Variants in PDE1C observed in about 807,000 individuals in gnomAD.
PDE1C encodes the protein dual specificity calcium/calmodulin-dependent 3',5'-cyclic nucleotide phosphodiesterase 1C.
In PDE1C, 62 loss-of-function variants were observed where a neutral mutation model predicts 93.1. That is an observed-to-expected ratio of 0.67 (90% CI 0.54 to 0.82). The LOEUF is 0.82. PDE1C is among the 40% of genes least tolerant of loss of function. PDE1C has a pLI of 0.00. For synonymous variants in PDE1C, 325 were observed against 310.1 expected, an observed-to-expected ratio of 1.05 and a Z score of -0.50; for missense variants, 742 against 884.6, an observed-to-expected ratio of 0.84 and a Z score of 2.04.
At chr7:32,170,791 A>G (rs11769818) in intron 2 of PDE1C, among the ~76,000 whole-genome samples, 68,008 of 151,520 alleles carry the variant, frequency 0.45, 16,194 homozygotes, top group East Asian at 0.77. Flanking sequence ...ACTCCTCAGG[A>G]GAAGTCCTCC....
At chr7:31,710,886 C>T in the PDE1C span, among the ~76,000 whole-genome samples, 1 of 152,148 alleles carries the variant, frequency 6.6e-6, no homozygotes, top group African/African-American at 2.4e-5. Flanking sequence ...TCATCCTTGA[C>T]CCAAAAATCA....
chr7:31,898,427 A>G (rs1447214592), intron 2 of PDE1C, among the ~76,000 whole-genome samples: 2 of 152,172 alleles, frequency 1.3e-5, no homozygotes, highest in East Asian at 1.9e-4. Flanking sequence ...TGTATTATAA[A>G]CACTTTCCCT....
chr7:31,697,680 G>A, the PDE1C span, among the ~76,000 whole-genome samples: 1 of 152,170 alleles, frequency 6.6e-6, no homozygotes, highest in Non-Finnish European at 1.5e-5. Context: ...GTATATTCAT[G>A]GCTAGAGTAT....
At chr7:31,794,073 C>CAGATAGATAGATAGATAGAT (rs1403714502) in intron 16 of PDE1C, among the ~76,000 whole-genome samples, 51 of 134,154 alleles carry the variant, frequency 3.8e-4, no homozygotes, top group Non-Finnish European at 3.7e-4. Context: ...GACAGACAGA[C>CAGATAGATAGATAGATAGAT]AGACAGACAG....
intron 1 of PDE1C, among the ~76,000 whole-genome samples, chr7:32,253,771 G>A (rs111645559): frequency 1.2e-4 from 18 of 152,280 alleles, no homozygotes; most frequent in African/African-American, 4.1e-4. Flanking sequence ...AACACAATAC[G>A]CAGACACACA....
intron 3 of PDE1C, among the ~76,000 whole-genome samples, chr7:32,166,310 G>A (rs150530743): frequency 3.9e-5 from 6 of 152,216 alleles, no homozygotes; most frequent in Non-Finnish European, 8.8e-5. Context: ...TCCAATTTTC[G>A]CACCTGGATA....
chr7:32,109,418 G>A (rs1372436508), intron 3 of PDE1C, among the ~76,000 whole-genome samples: 1 of 152,062 alleles, frequency 6.6e-6, no homozygotes, highest in Non-Finnish European at 1.5e-5. Flanking sequence ...AGCACAGAGA[G>A]CCCATCTAAT....
the PDE1C span, among the ~76,000 whole-genome samples, chr7:31,743,806 C>T: frequency 2.9e-4 from 44 of 152,204 alleles, no homozygotes; most frequent in Middle Eastern, 3.4e-3. Context: ...TGTAGCAGTT[C>T]AGTAATTTAA....
Position 32,203,087 on chromosome 7 carries a change from G to A in PDE1C, c.136+6402C>T, listed in dbSNP as rs533528648. On this transcript the variant is annotated intron_variant, in intron 2 of 18. Coordinates refer to the PDE1C transcript ENST00000396193. ...GCTTGCCATAGCACCCTACATGTACGTGATCTCATCTGTCCTGGATCCCTT... is the reference window on the plus strand; with the variant it reads ...GCTTGCCATAGCACCCTACATGTACATGATCTCATCTGTCCTGGATCCCTT... 1.1e-3 allele frequency among the ~76,000 whole-genome samples: 173 copies of A among 151,584 alleles called. 1 individual carries two copies. Among genetic ancestry groups the A allele is most frequent in the Non-Finnish European group, 1.4e-3 (95 of 67,918 alleles).
At chr7:32,348,274 A>G (rs113439834) in intron 1 of PDE1C, among the ~76,000 whole-genome samples, 3,713 of 151,860 alleles carry the variant, frequency 0.024, 60 homozygotes, top group Non-Finnish European at 0.036. Context: ...GCATACAATA[A>G]GTGCTCAATA....
chr7:31,779,100 C>T (rs1242809355), intron 16 of PDE1C, among the ~76,000 whole-genome samples: 1 of 152,206 alleles, frequency 6.6e-6, no homozygotes, highest in Non-Finnish European at 1.5e-5. Flanking sequence ...GGAGCCAGCA[C>T]TTCCAGAGGC....
chr7:32,168,303 G>A (rs972163171), intron 3 of PDE1C, among the ~76,000 whole-genome samples: 3 of 152,130 alleles, frequency 2.0e-5, no homozygotes, highest in East Asian at 3.9e-4. Flanking sequence ...TGACATTCAT[G>A]GGCATCAATA....
At chr7:31,692,574 C>T in the PDE1C span, 581 of 1,513,928 alleles carry the variant, frequency 3.8e-4, 8 homozygotes, top group South Asian at 4.2e-3. Context: ...AGAGAAGAGG[C>T]GTCTCAGCCA....
chr7:31,997,963 CT>C (rs1205668716), intron 2 of PDE1C, among the ~76,000 whole-genome samples: 5 of 151,942 alleles, frequency 3.3e-5, no homozygotes, highest in Non-Finnish European at 4.4e-5. Flanking sequence ...TAAAATGCCT[CT>C]ATGTGGCTGT....
chr7:31,953,220 C>T (rs1411134963), intron 2 of PDE1C, among the ~76,000 whole-genome samples: 1 of 152,120 alleles, frequency 6.6e-6, no homozygotes, highest in Non-Finnish European at 1.5e-5. Context: ...TTTGGGCCTA[C>T]AAGGACACAG....
chr7:32,371,023 C>G (rs1257909424), intron 1 of PDE1C, among the ~76,000 whole-genome samples: 1 of 151,118 alleles, frequency 6.6e-6, no homozygotes, highest in Non-Finnish European at 1.5e-5. Flanking sequence ...AAGTTGATCT[C>G]AAATCTACAC....
intron 1 of PDE1C, among the ~76,000 whole-genome samples, chr7:32,258,785 A>G (rs1809990236): frequency 6.6e-6 from 1 of 152,208 alleles, no homozygotes; most frequent in African/African-American, 2.4e-5. Context: ...CAAGCCAAGT[A>G]TCTTTTACCC....
intron 1 of PDE1C, among the ~76,000 whole-genome samples, chr7:32,416,650 G>GA (rs1453043294): frequency 2.0e-5 from 3 of 151,986 alleles, no homozygotes; most frequent in African/African-American, 7.3e-5. Context: ...GTGTAGGGAA[G>GA]GTGAGCATGG....
intron 11 of PDE1C, among the ~76,000 whole-genome samples, chr7:31,834,178 T>C (rs553914101): frequency 1.3e-5 from 2 of 152,348 alleles, no homozygotes; most frequent in South Asian, 2.1e-4. Context: ...AGAGGATGTA[T>C]GAAACCACCT....
Sources: gnomAD v4.1 joint callset for allele counts (sites outside exome capture counted in the v4.1 genomes callset) on GRCh38, gnomAD v4.1.1 for gene constraint, MANE v1.5 for transcripts, NCBI Gene and HGNC (gene_info 2026-07-23, HGNC 2026-07-21) for gene names.